HMGCS1: variants seen among roughly 807,000 people sequenced by gnomAD.
The protein encoded by HMGCS1 is 3-hydroxy-3-methylglutaryl-CoA synthase 1.
Under a neutral mutation model 52.3 loss-of-function variants are expected in HMGCS1, and 9 were observed. That is an observed-to-expected ratio of 0.17 (90% CI 0.10 to 0.30). The LOEUF is 0.30. Among genes scored for constraint, HMGCS1 ranks in the 10% least tolerant of loss-of-function variants. The pLI, the probability that HMGCS1 is intolerant of heterozygous loss-of-function variation, is 1.00. For synonymous variants in HMGCS1, 176 were observed against 214.4 expected (o/e 0.82, Z 1.57); for missense variants, 320 against 620.9 (o/e 0.52, Z 5.15).
chr5:43,289,202 T>C lies in HMGCS1; in HGVS notation c.*1929A>G, dbSNP rs929446903. On this transcript the variant is annotated 3_prime_UTR_variant, in exon 11 of 11. Transcript: ENST00000325110. Reference sequence around the variant, plus strand: ...TCCTTAAAGACAAGACCATATATCTTGTACATTTTCAAATTTCTGCCTTAA... The same window carrying C: ...TCCTTAAAGACAAGACCATATATCTCGTACATTTTCAAATTTCTGCCTTAA... 1 of 152,246 alleles carries C rather than the reference T, an allele frequency of 6.6e-6. No homozygotes were observed. Among genetic ancestry groups the C allele is most frequent in the Admixed American group, 6.5e-5 (1 of 15,282 alleles). 9.4% of individuals were successfully genotyped at this position (152,246 alleles called of 1,614,324 possible). A position where few individuals can be genotyped will look rare whatever the true frequency, so the allele number is the denominator to read the frequency against.
At chr5:43,293,530 G>A (rs1262205083) in intron 8 of HMGCS1, among the ~76,000 whole-genome samples, 2 of 150,810 alleles carry the variant, frequency 1.3e-5, no homozygotes, top group African/African-American at 4.9e-5. Flanking sequence ...AGATAACTTA[G>A]TCCTATCCTT....
In HMGCS1 at chr5:43,289,754, T is replaced by C. The variant is rs1476043427; in HGVS notation, c.*1377A>G. ...TCTTACAAACACTACTATTACATAT[T>C]ACCTTGCAATCTGAAACATTATATT... On this transcript the variant is annotated 3_prime_UTR_variant, in exon 11 of 11. Coordinates refer to ENST00000325110, the MANE Select transcript of HMGCS1 (RefSeq NM_001098272.3). 2 of 152,644 alleles carry C rather than the reference T, an allele frequency of 1.3e-5. No homozygotes were observed. Among genetic ancestry groups the C allele is most frequent in the East Asian group, 3.8e-4 (2 of 5,204 alleles). 9.5% of individuals were successfully genotyped at this position (152,644 alleles called of 1,614,324 possible).
At chr5:43,294,900 CTA>C in intron 6 of HMGCS1, 39 bp from the exon 7 acceptor site, 1 of 1,393,312 alleles carries the variant, frequency 7.2e-7, no homozygotes. Context: ...TGTTTAAAGC[CTA>C]TGTTTTTATT....
rs1026938400 is a variant in HMGCS1, at chr5:43,292,336, T to G, written c.1473+138A>C. On this transcript the variant is annotated intron_variant, in intron 10 of 10. Coordinates refer to ENST00000325110, the MANE Select transcript of HMGCS1 (RefSeq NM_001098272.3). ...TATTAATAATTCAAATGCAAAGCAC[T>G]TTATACAATTGGAAATAGTACAGCT... is the stretch of plus-strand genomic sequence containing the variant. 4 of 661,626 alleles carry G rather than the reference T, an allele frequency of 6.0e-6. No homozygotes were observed. In the South Asian group the frequency reaches 6.2e-5, roughly 10 times the overall value. 41.0% of individuals were successfully genotyped at this position (661,626 alleles called of 1,614,324 possible). A position where few individuals can be genotyped will look rare whatever the true frequency, so the allele number is the denominator to read the frequency against.
intron 10 of HMGCS1, among the ~76,000 whole-genome samples, chr5:43,292,069 T>C (rs1753799741): frequency 7.0e-6 from 1 of 143,852 alleles, no homozygotes; most frequent in African/African-American, 2.6e-5. Context: ...CTCAGCTTAC[T>C]GCAACCTCTG....
At chr5:43,302,829 T>G (rs1419765563) in intron 2 of HMGCS1, among the ~76,000 whole-genome samples, 1 of 152,200 alleles carries the variant, frequency 6.6e-6, no homozygotes, top group Non-Finnish European at 1.5e-5. Context: ...TTTTGGGATC[T>G]TGAAAGGAAT....
intron 2 of HMGCS1, among the ~76,000 whole-genome samples, chr5:43,303,296 T>C (rs1451242222): frequency 6.6e-6 from 1 of 152,200 alleles, no homozygotes; most frequent in Non-Finnish European, 1.5e-5. Flanking sequence ...CTTTGGAAAA[T>C]AATCAGGTTT....
chr5:43,294,214 C>T (rs778327657), intron 7 of HMGCS1, 52 bp from the exon 8 acceptor site: 14 of 1,110,766 alleles, frequency 1.3e-5, no homozygotes, highest in Non-Finnish European at 1.7e-5. Flanking sequence ...AAAGCTACAG[C>T]GTGTGGGAAG....
chr5:43,294,926 G>A, intron 6 of HMGCS1, 65 bp from the exon 7 acceptor site: 1 of 996,610 alleles, frequency 1.0e-6, no homozygotes, highest in Non-Finnish European at 1.5e-6. Flanking sequence ...CTAAACAGCA[G>A]GCCTAATTAG....
intron 10 of HMGCS1, among the ~76,000 whole-genome samples, chr5:43,291,485 C>T (rs1186039465): frequency 1.3e-5 from 2 of 152,054 alleles, no homozygotes; most frequent in South Asian, 4.2e-4. Context: ...TTACTTGTTA[C>T]GTCTTGTATT....
intron 1 of HMGCS1, among the ~76,000 whole-genome samples, chr5:43,312,038 T>C (rs997603928): frequency 1.3e-5 from 2 of 152,214 alleles, no homozygotes; most frequent in Non-Finnish European, 2.9e-5. Flanking sequence ...ACTGCAATTT[T>C]AAAATAAAGT....
chr5:43,305,816 A>G (rs183967671), intron 2 of HMGCS1, among the ~76,000 whole-genome samples: 2 of 151,996 alleles, frequency 1.3e-5, no homozygotes, highest in East Asian at 3.9e-4. Context: ...AAAATTTAAA[A>G]AAAGAGATAA....
chr5:43,303,456 C>T (rs559752393), intron 2 of HMGCS1, among the ~76,000 whole-genome samples: 8 of 152,380 alleles, frequency 5.3e-5, no homozygotes, highest in Admixed American at 3.9e-4. Context: ...GAACCAACCA[C>T]GCTGGCACCC....
chr5:43,291,966 A>G (rs1313959186), intron 10 of HMGCS1, among the ~76,000 whole-genome samples: 2 of 150,362 alleles, frequency 1.3e-5, no homozygotes, highest in East Asian at 3.9e-4. Flanking sequence ...CATTAATAAA[A>G]CCTAGTATTT....
At chr5:43,296,804 T>C (rs1754051509) in intron 5 of HMGCS1, among the ~76,000 whole-genome samples, 198 bp downstream of exon 5, 1 of 152,198 alleles carries the variant, frequency 6.6e-6, no homozygotes, top group Non-Finnish European at 1.5e-5. Flanking sequence ...GAGATACACC[T>C]CAGTTCCAAA....
At position 43,290,025 on chromosome 5, in the gene HMGCS1, A is replaced by T. The variant is rs2111610757; in HGVS notation, c.*1106T>A. 6.6e-6 allele frequency: 1 copy of T among 152,376 alleles called. No individual in the cohort carries two copies. The highest frequency in any genetic ancestry group is 2.4e-5 in the African/African-American group (1 of 41,466). The allele number at this position is 152,376 out of a possible 1,614,324, so 9.4% of individuals were successfully genotyped here. On this transcript the variant is annotated 3_prime_UTR_variant, in exon 11 of 11. Coordinates refer to ENST00000325110, the MANE Select transcript of HMGCS1 (RefSeq NM_001098272.3). The stretch of plus-strand genomic sequence containing the variant: ...GGTAAAAGTCCTACTTCAGACCTTG[A>T]AGTGGAATACTTCTAGTCAGACTAG...
chr5:43,305,884 C>CGT (rs10664240), intron 2 of HMGCS1, among the ~76,000 whole-genome samples: 94,597 of 151,468 alleles, frequency 0.62, 31,665 homozygotes, highest in African/African-American at 0.87. Context: ...AAAAAAATTA[C>CGT]GTTTTTAATT....
chr5:43,292,675 A>C (rs757207769), intron 9 of HMGCS1, 38 bp from the exon 10 acceptor site: 1 of 1,568,250 alleles, frequency 6.4e-7, no homozygotes. Flanking sequence ...ATTAGTTATG[A>C]TATACAATTC....
Position 43,292,517 on chromosome 5 carries a change from A to G in HMGCS1, c.1430T>C (p.Leu477Ser). The change falls in exon 10 of 11, where the codon TTG (leucine) becomes TCG (serine). Residue 477 changes from leucine (L) to serine (S), a missense_variant. Coordinates refer to ENST00000325110, the MANE Select transcript of HMGCS1 (RefSeq NM_001098272.3). ...ATGCACAAGTCCTACTCCTTCATCC[A>G]AAGTGTCATCATTTGGAGTGGGACG... ...ARRPTPNDDT[L>S]DEGVGLVHSN... 3 of 1,613,964 alleles carry G rather than the reference A, an allele frequency of 1.9e-6. No homozygotes were observed. The South Asian group carries it at 3.3e-5, about 18-fold the overall frequency.
Sources: allele counts gnomAD v4.1 joint callset (sites outside exome capture counted in the v4.1 genomes callset), GRCh38; gene constraint gnomAD v4.1.1; transcripts MANE v1.5; gene names NCBI Gene and HGNC (gene_info 2026-07-23, HGNC 2026-07-21).